Variants in MYO16 observed in about 807,000 individuals in gnomAD.
MYO16 encodes unconventional myosin-XVI.
In MYO16, 94 loss-of-function variants were observed where a neutral mutation model predicts 205.3. That is an observed-to-expected ratio of 0.46 (90% CI 0.39 to 0.54). MYO16 has a LOEUF of 0.54. Ranked by LOEUF, MYO16 falls within the 20% of genes least tolerant of loss-of-function variation. The pLI is 0.00. For missense variants in MYO16, 2,315 were observed against 2,387.5 expected, an observed-to-expected ratio of 0.97 and a Z score of 0.63; for synonymous variants, 988 against 954.0, an observed-to-expected ratio of 1.04 and a Z score of -0.66.
chr13:109,032,115 G>T (rs1406867797), intron 23 of MYO16, among the ~76,000 whole-genome samples: 1 of 152,132 alleles, frequency 6.6e-6, no homozygotes, highest in Non-Finnish European at 1.5e-5. Context: ...CCAGGTGTGG[G>T]TGATGCTCAT....
chr13:108,871,935 T>C (rs1161355093), intron 12 of MYO16, among the ~76,000 whole-genome samples: 2 of 152,248 alleles, frequency 1.3e-5, no homozygotes, highest in Non-Finnish European at 1.5e-5. Context: ...TAATTGTTCA[T>C]GGTTAGGAGA....
At chr13:109,157,882 G>A (rs569121759) in intron 32 of MYO16, among the ~76,000 whole-genome samples, 1 of 152,180 alleles carries the variant, frequency 6.6e-6, no homozygotes, top group South Asian at 2.1e-4. Context: ...CACTTACCCG[G>A]TCGTCATAAA....
rs747976265 is a variant in MYO16, at chr13:108,727,563, A to G, written c.487A>G (p.Ile163Val). ...HIACACDNPDIVLLLVLAGAN... is the reference protein window; with the variant it reads ...HIACACDNPDVVLLLVLAGAN... ...TGCCTGTGCCTGCGATAACCCTGAT[A>G]TTGTCCTGCTTCTTGTATTAGTAAG... The change falls in exon 4 of 35, where the codon ATT becomes GTT. Residue 163 changes from isoleucine (I) to valine (V), a missense_variant. Transcript: ENST00000457511. 6.2e-7 allele frequency: 1 copy of G among 1,612,938 alleles called. No individual in the cohort carries two copies. Among genetic ancestry groups the G allele is most frequent in the Non-Finnish European group, 8.5e-7 (1 of 1,179,702 alleles).
At chr13:108,748,635 G>A (rs564941934) in intron 4 of MYO16, among the ~76,000 whole-genome samples, 22 of 152,196 alleles carry the variant, frequency 1.4e-4, no homozygotes, top group South Asian at 6.2e-4. Context: ...GGCTTTCATA[G>A]AGATCAATGA....
the MYO16 span, among the ~76,000 whole-genome samples, chr13:108,531,945 G>A: frequency 3.9e-5 from 6 of 152,120 alleles, no homozygotes; most frequent in African/African-American, 7.2e-5. Context: ...GGTGGCTCAC[G>A]CCTGTAATCC....
intron 1 of MYO16, among the ~76,000 whole-genome samples, chr13:108,607,679 T>A (rs1879011129): frequency 6.6e-6 from 1 of 152,134 alleles, no homozygotes; most frequent in South Asian, 2.1e-4. Context: ...AACTAATACA[T>A]GTACTTGCTC....
At chr13:108,810,881 T>C (rs991651543) in intron 7 of MYO16, among the ~76,000 whole-genome samples, 1 of 152,228 alleles carries the variant, frequency 6.6e-6, no homozygotes, top group Non-Finnish European at 1.5e-5. Flanking sequence ...AGTGGGATGA[T>C]GTACATATTT....
intron 11 of MYO16, among the ~76,000 whole-genome samples, chr13:108,863,157 G>C (rs550521029): frequency 6.6e-6 from 1 of 152,118 alleles, no homozygotes; most frequent in East Asian, 1.9e-4. Flanking sequence ...TGCAAATGAT[G>C]ACTTTTATTT....
Position 108,698,419 on chromosome 13 carries a change from A to G in MYO16, c.293-14242A>G, listed in dbSNP as rs112514009. Among the ~76,000 whole-genome samples the G allele has an allele frequency of 6.4e-3, 973 of 152,316 alleles. 6 individuals are homozygous for G. The highest frequency in any genetic ancestry group is 0.011 in the Non-Finnish European group (759 of 68,022). On this transcript the variant is annotated intron_variant, in intron 2 of 34. Coordinates refer to ENST00000457511, the MANE Select transcript of MYO16 (RefSeq NM_001198950.3). ...CTTTGATATTTCACATGGTGATTGTATCTTATTCCTGAGGGTTTGGGAAAT... is the reference window on the plus strand; with the variant it reads ...CTTTGATATTTCACATGGTGATTGTGTCTTATTCCTGAGGGTTTGGGAAAT...
chr13:108,569,821 C>T, the MYO16 span, among the ~76,000 whole-genome samples: 1 of 152,018 alleles, frequency 6.6e-6, no homozygotes, highest in Non-Finnish European at 1.5e-5. Context: ...AATTCTCTTT[C>T]CAGTTTATTG....
At chr13:108,880,133 T>C (rs988819367) in intron 12 of MYO16, among the ~76,000 whole-genome samples, 1 of 152,248 alleles carries the variant, frequency 6.6e-6, no homozygotes, top group Non-Finnish European at 1.5e-5. Context: ...CATTTGTTCA[T>C]GTGTCTGTTG....
At chr13:108,956,401 T>C (rs1883349307) in intron 16 of MYO16, among the ~76,000 whole-genome samples, 1 of 152,160 alleles carries the variant, frequency 6.6e-6, no homozygotes, top group Non-Finnish European at 1.5e-5. Context: ...GCCTTACCTC[T>C]TTGCAGGTAA....
intron 10 of MYO16, among the ~76,000 whole-genome samples, chr13:108,848,214 G>A (rs989564203): frequency 1.3e-5 from 2 of 152,102 alleles, no homozygotes; most frequent in African/African-American, 2.4e-5. Flanking sequence ...TGCATACTCC[G>A]GTTTTGCCAG....
intron 29 of MYO16, among the ~76,000 whole-genome samples, chr13:109,123,521 C>T (rs1004077722): frequency 6.6e-6 from 1 of 152,154 alleles, no homozygotes; most frequent in Non-Finnish European, 1.5e-5. Context: ...GCTCAAGGTG[C>T]CCATCACATG....
the MYO16 span, among the ~76,000 whole-genome samples, chr13:108,576,318 G>T: frequency 6.6e-6 from 1 of 152,136 alleles, no homozygotes; most frequent in African/African-American, 2.4e-5. Flanking sequence ...GTACATCCCT[G>T]GAGGGATGAC....
intron 1 of MYO16, among the ~76,000 whole-genome samples, chr13:108,662,405 G>A (rs112011958): frequency 0.057 from 8,725 of 152,190 alleles, 605 homozygotes; most frequent in East Asian, 0.15. Context: ...CCATTAAGTG[G>A]GAACAAGGCT....
chr13:108,546,400 A>C, the MYO16 span, among the ~76,000 whole-genome samples: 19 of 152,290 alleles, frequency 1.2e-4, no homozygotes, highest in African/African-American at 4.3e-4. Flanking sequence ...AGGACCCTGA[A>C]GGTGCATGTT....
the MYO16 span, among the ~76,000 whole-genome samples, chr13:108,507,218 C>A: frequency 6.6e-6 from 1 of 152,090 alleles, no homozygotes; most frequent in Non-Finnish European, 1.5e-5. Context: ...TGCCAGAGAT[C>A]TTTATATTTT....
At chr13:108,769,301 G>A (rs9514904) in intron 4 of MYO16, among the ~76,000 whole-genome samples, 74,471 of 151,896 alleles carry the variant, frequency 0.49, 19,754 homozygotes, top group East Asian at 0.63. Flanking sequence ...AGAGGTTGGG[G>A]CAGAAGGGAC....
Sources: gnomAD v4.1 joint callset for allele counts (sites outside exome capture counted in the v4.1 genomes callset) on GRCh38, gnomAD v4.1.1 for gene constraint, MANE v1.5 for transcripts, NCBI Gene and HGNC (gene_info 2026-07-23, HGNC 2026-07-21) for gene names.